The following EFHC2 variants were observed in gnomAD, a reference collection of about 807,000 sequenced individuals.
EFHC2 encodes EF-hand domain containing 2.
EFHC2 carries 18 observed loss-of-function variants against 52.7 expected under a neutral mutation model. The ratio of observed to expected loss-of-function variants is 0.34; its 90% confidence interval spans 0.24 to 0.51. The LOEUF (loss-of-function observed/expected upper bound fraction) is 0.51, where lower values mean the gene tolerates loss of function less well. Among genes scored for constraint, EFHC2 ranks in the 20% least tolerant of loss-of-function variants. The probability of loss-of-function intolerance (pLI) is 0.97; values close to 1 mark genes in which losing one functional copy is unlikely to be tolerated. For missense variants in EFHC2, 513 were observed against 562.5 expected, an observed-to-expected ratio of 0.91 and a Z score of 0.89; for synonymous variants, 203 against 204.1, an observed-to-expected ratio of 0.99 and a Z score of 0.04.
chrX:44,156,721 G>A (rs1448213359), intron 14 of EFHC2, among the ~76,000 whole-genome samples: 1 of 112,501 alleles, frequency 8.9e-6, no homozygotes, highest in Non-Finnish European at 1.9e-5. Flanking sequence ...CAGTCACACA[G>A]TGTAAGTTAT....
At chrX:44,235,258 C>A in intron 9 of EFHC2, 47 bp downstream of exon 9, 1 of 1,030,255 alleles carries the variant, frequency 9.7e-7, no homozygotes, top group African/African-American at 1.9e-5. Flanking sequence ...CATGAAGAGA[C>A]ACTTAAAATG....
chrX:44,211,056 T>C (rs1005866810), intron 11 of EFHC2, among the ~76,000 whole-genome samples: 17 of 112,093 alleles, frequency 1.5e-4, no homozygotes, highest in Admixed American at 1.4e-3. Flanking sequence ...GAAGAAAAGA[T>C]GTTCAACATT....
At chrX:44,320,740 C>G (rs771877286) in intron 1 of EFHC2, among the ~76,000 whole-genome samples, 14 of 110,585 alleles carry the variant, frequency 1.3e-4, no homozygotes, top group Admixed American at 4.8e-4. Flanking sequence ...TCCCTCCCAT[C>G]CTCTATCTTC....
intron 2 of EFHC2, chrX:44,309,944 G>C (rs887500147): frequency 9.0e-5 from 88 of 978,267 alleles, no homozygotes; most frequent in Non-Finnish European, 1.1e-4. Flanking sequence ...TGTCAATAAG[G>C]AGACTATACA....
At chrX:44,187,135 G>GTGTGTATATATATATATA (rs1556001678) in intron 11 of EFHC2, among the ~76,000 whole-genome samples, 4 of 61,736 alleles carry the variant, frequency 6.5e-5, no homozygotes, top group African/African-American at 3.3e-4. Flanking sequence ...AAACAAAATG[G>GTGTGTATATATATATATA]TATATATATA....
intron 11 of EFHC2, among the ~76,000 whole-genome samples, chrX:44,196,920 A>C (rs1256750990): frequency 8.9e-6 from 1 of 112,150 alleles, no homozygotes; most frequent in Non-Finnish European, 1.9e-5. Context: ...CTAAATCATA[A>C]CTCATGATGA....
intron 1 of EFHC2, among the ~76,000 whole-genome samples, chrX:44,317,648 T>C (rs1309686697): frequency 8.9e-6 from 1 of 112,631 alleles, no homozygotes; most frequent in East Asian, 2.8e-4. Flanking sequence ...TAGCCAGGCA[T>C]GGCGGTGCAT....
rs200070160 is a variant in EFHC2 at position 44,315,828 on chromosome X, T to TA, written c.43-3073dup. Among the ~76,000 whole-genome samples, 415 of 110,590 alleles carry TA rather than the reference T, an allele frequency of 3.8e-3. 1 individual carries two copies. Among genetic ancestry groups the TA allele is most frequent in the African/African-American group, 0.011 (333 of 30,389 alleles). On this transcript the variant is annotated intron_variant, in intron 1 of 14. Transcript: ENST00000420999. The stretch of plus-strand genomic sequence containing the variant: ...GCACCTAGGAGAGGGGCGAATCTGG[T>TA]AAAAAAAGAAAGTCAAGGTCAAGTT...
At chrX:44,153,428 T>C (rs1481450849) in intron 14 of EFHC2, among the ~76,000 whole-genome samples, 1 of 111,915 alleles carries the variant, frequency 8.9e-6, no homozygotes, top group Non-Finnish European at 1.9e-5. Context: ...TTGTCACTCT[T>C]CCTTAGGTTC....
At chrX:44,319,154 C>T (rs904062179) in intron 1 of EFHC2, among the ~76,000 whole-genome samples, 1 of 109,548 alleles carries the variant, frequency 9.1e-6, no homozygotes, top group Non-Finnish European at 1.9e-5. Flanking sequence ...CAGGTGCCCA[C>T]CACTACACCT....
intron 1 of EFHC2, among the ~76,000 whole-genome samples, chrX:44,316,054 C>G (rs1205597578): frequency 9.0e-6 from 1 of 111,363 alleles, no homozygotes; most frequent in African/African-American, 3.3e-5. Flanking sequence ...GCTTTCTCCA[C>G]TACTCACAAG....
intron 11 of EFHC2, among the ~76,000 whole-genome samples, chrX:44,215,531 G>T (rs184026832): frequency 1.4e-4 from 13 of 94,959 alleles, no homozygotes; most frequent in Non-Finnish European, 3.9e-5. Flanking sequence ...ACTTCCATTG[G>T]GGGGGGGTGG....
rs754507420 is a variant in EFHC2, at chrX:44,222,901, C to G, written c.1751+6748G>C. Reference sequence around the variant, plus strand: ...CATGCTTATTTTTTTGTGGTGAGAACATTTAAGAGCTACTCTCTTAGCAAT... The same window carrying G: ...CATGCTTATTTTTTTGTGGTGAGAAGATTTAAGAGCTACTCTCTTAGCAAT... On this transcript the variant is annotated intron_variant, in intron 11 of 14. Transcript: ENST00000420999. 2.3e-4 allele frequency among the ~76,000 whole-genome samples: 26 copies of G among 111,631 alleles called. No homozygotes were observed. In the South Asian group the frequency reaches 9.9e-3, roughly 42 times the overall value.
chrX:44,235,257 A>G (rs752965894), intron 9 of EFHC2, 48 bp downstream of exon 9: 10 of 1,034,767 alleles, frequency 9.7e-6, no homozygotes, highest in Non-Finnish European at 1.3e-5. Context: ...ACATGAAGAG[A>G]CACTTAAAAT....
At chrX:44,160,665 T>C (rs1423245959) in intron 14 of EFHC2, among the ~76,000 whole-genome samples, 2 of 112,146 alleles carry the variant, frequency 1.8e-5, no homozygotes, top group Non-Finnish European at 3.8e-5. Flanking sequence ...CTCATGCCCG[T>C]ACTCCCAGCA....
At chrX:44,246,909 T>C (rs1212819280) in intron 7 of EFHC2, among the ~76,000 whole-genome samples, 1 of 111,901 alleles carries the variant, frequency 8.9e-6, no homozygotes, top group Non-Finnish European at 1.9e-5. Context: ...CATCTTGATA[T>C]ATACATTTAA....
chrX:44,216,524 G>A (rs182500023), intron 11 of EFHC2, among the ~76,000 whole-genome samples: 23 of 111,263 alleles, frequency 2.1e-4, no homozygotes, highest in East Asian at 1.1e-3. Context: ...CGGAAGCCAC[G>A]CAGCATTACT....
chrX:44,179,081 G>GA (rs920038562), intron 11 of EFHC2, among the ~76,000 whole-genome samples: 2 of 104,200 alleles, frequency 1.9e-5, no homozygotes, highest in African/African-American at 3.5e-5. Flanking sequence ...AAAAACAAGA[G>GA]AAAAAAAAAT....
At chrX:44,292,544 A>G (rs1602201951) in intron 2 of EFHC2, among the ~76,000 whole-genome samples, 1 of 112,116 alleles carries the variant, frequency 8.9e-6, no homozygotes, top group African/African-American at 3.2e-5. Flanking sequence ...TGGCATAATC[A>G]TCATTCCTGA....
Sources: gnomAD v4.1 joint callset for allele counts (sites outside exome capture counted in the v4.1 genomes callset) on GRCh38, gnomAD v4.1.1 for gene constraint, MANE v1.5 for transcripts, NCBI Gene and HGNC (gene_info 2026-07-23, HGNC 2026-07-21) for gene names.